Variants in RANBP2 observed in about 807,000 individuals in gnomAD.
RANBP2 encodes E3 SUMO-protein ligase RanBP2.
A neutral mutation model predicts 303.6 loss-of-function variants in RANBP2; 57 were observed. The observed-to-expected ratio is 0.19, with a 90% confidence interval of 0.15 to 0.23. RANBP2 has a LOEUF of 0.23. Ranked by LOEUF, RANBP2 falls within the 10% of genes least tolerant of loss-of-function variation. The pLI is 1.00. For missense variants in RANBP2, 3,138 were observed against 3,780.8 expected (o/e 0.83, Z 4.46); for synonymous variants, 1,167 against 1,301.5 (o/e 0.90, Z 2.23).
the RANBP2 span, among the ~76,000 whole-genome samples, chr2:108,981,068 C>T: frequency 6.6e-6 from 1 of 152,196 alleles, no homozygotes; most frequent in African/African-American, 2.4e-5. Context: ...TTCCAATGTG[C>T]TCACGGCCCG....
chr2:109,664,312 T>A, the RANBP2 span, among the ~76,000 whole-genome samples: 1 of 152,168 alleles, frequency 6.6e-6, no homozygotes, highest in African/African-American at 2.4e-5. Context: ...AAGATTCTTA[T>A]AAAAATCTCT....
At chr2:108,934,024 G>A in the RANBP2 span, among the ~76,000 whole-genome samples, 1 of 152,190 alleles carries the variant, frequency 6.6e-6, no homozygotes, top group South Asian at 2.1e-4. Flanking sequence ...TCTAATTATA[G>A]CTGAGCCTCG....
chr2:109,010,078 C>T, the RANBP2 span, among the ~76,000 whole-genome samples: 1 of 151,986 alleles, frequency 6.6e-6, no homozygotes, highest in Non-Finnish European at 1.5e-5. Flanking sequence ...TGGATACTTC[C>T]GTTAAAAAAA....
At chr2:109,710,808 C>T in the RANBP2 span, among the ~76,000 whole-genome samples, 1 of 152,216 alleles carries the variant, frequency 6.6e-6, no homozygotes, top group Non-Finnish European at 1.5e-5. Flanking sequence ...CTGAACCCCC[C>T]GGGCACTTTA....
At position 108,763,937 on chromosome 2, in the gene RANBP2, C is replaced by T; in HGVS notation, c.3398C>T (p.Thr1133Ile). The change falls in exon 20 of 29, where the codon ACT becomes ATT. Residue 1133 changes from threonine to isoleucine, a missense_variant. Physicochemically the swap from Thr to Ile is moderately conservative, Grantham distance 89. Coordinates refer to ENST00000283195, the MANE Select transcript of RANBP2 (RefSeq NM_006267.5). ...TTTCGGCGAAGTGATGATATGTTTA[C>T]TTTCCATGGTCCAGGGAAATCAGTA... ...SGFRRSDDMF[T>I]FHGPGKSVFG... The T allele has an allele frequency of 1.2e-6, 2 of 1,613,932 alleles. No individual in the cohort carries two copies. Among genetic ancestry groups the T allele is most frequent in the Non-Finnish European group, 1.7e-6 (2 of 1,179,972 alleles).
At chr2:109,143,400 G>T in the RANBP2 span, among the ~76,000 whole-genome samples, 4 of 152,098 alleles carry the variant, frequency 2.6e-5, no homozygotes, top group Non-Finnish European at 5.9e-5. Context: ...TATTCACAGG[G>T]CCAATATCTG....
the RANBP2 span, among the ~76,000 whole-genome samples, chr2:109,281,106 A>C: frequency 6.6e-6 from 1 of 152,182 alleles, no homozygotes; most frequent in Non-Finnish European, 1.5e-5. Context: ...GCACACCCTG[A>C]GAGACAGGAA....
the RANBP2 span, among the ~76,000 whole-genome samples, chr2:109,009,702 C>CTTTT: frequency 3.7e-4 from 46 of 123,064 alleles, 4 homozygotes; most frequent in African/African-American, 5.9e-4. Flanking sequence ...ACATTTTTAC[C>CTTTT]TTTTTTTTGT....
the RANBP2 span, chr2:109,564,362 C>G: frequency 6.5e-7 from 1 of 1,548,178 alleles, no homozygotes; most frequent in Non-Finnish European, 8.7e-7. Flanking sequence ...GAACCCCACC[C>G]TACCTGACTG....
chr2:109,416,798 C>G, the RANBP2 span, among the ~76,000 whole-genome samples: 1 of 151,096 alleles, frequency 6.6e-6, no homozygotes, highest in Admixed American at 6.6e-5. Flanking sequence ...CCCGGCTACT[C>G]AGGAGGCTAA....
the RANBP2 span, among the ~76,000 whole-genome samples, chr2:109,487,241 C>T: frequency 5.3e-5 from 8 of 152,188 alleles, no homozygotes; most frequent in Non-Finnish European, 1.2e-4. Flanking sequence ...ACCTCTTCTC[C>T]TCCCACGGTG....
At chr2:109,064,799 T>C in the RANBP2 span, among the ~76,000 whole-genome samples, 18 of 152,176 alleles carry the variant, frequency 1.2e-4, no homozygotes, top group Non-Finnish European at 1.5e-4. Flanking sequence ...GGGGCCTCTG[T>C]TGATGTGCCT....
the RANBP2 span, among the ~76,000 whole-genome samples, chr2:108,866,205 A>T: frequency 6.6e-6 from 1 of 152,208 alleles, no homozygotes. Flanking sequence ...AAGGTCCAGG[A>T]GTCCTCTTCT....
At chr2:109,659,282 C>T in the RANBP2 span, among the ~76,000 whole-genome samples, 3,013 of 149,546 alleles carry the variant, frequency 0.02, 101 homozygotes, top group African/African-American at 0.069. Flanking sequence ...GAGGCTGAGG[C>T]AGGAGAATTG....
chr2:108,777,039 C>T (rs771153109), intron 24 of RANBP2, 91 bp from the exon 25 acceptor site: 5 of 1,087,408 alleles, frequency 4.6e-6, no homozygotes, highest in Admixed American at 1.8e-5. Flanking sequence ...CCAGAGTATA[C>T]AAGTCTCTAC....
At chr2:109,511,156 C>A in the RANBP2 span, among the ~76,000 whole-genome samples, 1 of 152,198 alleles carries the variant, frequency 6.6e-6, no homozygotes, top group South Asian at 2.1e-4. Flanking sequence ...CAGTCTGGCT[C>A]CAAAGGCCGC....
chr2:108,780,341 C>T (rs549686608), intron 25 of RANBP2, among the ~76,000 whole-genome samples: 29 of 146,884 alleles, frequency 2.0e-4, no homozygotes, highest in Non-Finnish European at 3.3e-4. Context: ...TACAGGCACC[C>T]GCCACCACGC....
the RANBP2 span, among the ~76,000 whole-genome samples, chr2:108,879,744 A>C: frequency 6.6e-6 from 1 of 152,182 alleles, no homozygotes; most frequent in Non-Finnish European, 1.5e-5. Context: ...CTAAGCCGCT[A>C]TCATTGTTGT....
the RANBP2 span, among the ~76,000 whole-genome samples, chr2:109,457,840 G>A: frequency 2.0e-5 from 3 of 152,256 alleles, no homozygotes; most frequent in African/African-American, 7.2e-5. Context: ...ACATCAGAAG[G>A]TAATGCCCAC....
Sources: allele counts gnomAD v4.1 joint callset (sites outside exome capture counted in the v4.1 genomes callset), GRCh38; gene constraint gnomAD v4.1.1; transcripts MANE v1.5; gene names NCBI Gene and HGNC (gene_info 2026-07-23, HGNC 2026-07-21).